Variants in PIWIL1 observed in about 807,000 individuals in gnomAD.
PIWIL1 encodes piwi-like protein 1.
Under a neutral mutation model 114.4 loss-of-function variants are expected in PIWIL1, and 73 were observed. That is an observed-to-expected ratio of 0.64 (90% CI 0.53 to 0.78). The LOEUF (loss-of-function observed/expected upper bound fraction) is 0.78. Among genes scored for constraint, PIWIL1 ranks in the 30% least tolerant of loss-of-function variants. The pLI is 0.00. For synonymous variants in PIWIL1, 375 were observed against 369.0 expected, an observed-to-expected ratio of 1.02 and a Z score of -0.19; for missense variants, 723 against 1,063.1, an observed-to-expected ratio of 0.68 and a Z score of 4.45.
chr12:130,418,178 A>T, the PIWIL1 span, among the ~76,000 whole-genome samples: 3 of 152,260 alleles, frequency 2.0e-5, no homozygotes, highest in Non-Finnish European at 4.4e-5. Flanking sequence ...TTTAAAATGC[A>T]ATGAATTGTT....
chr12:130,357,819 A>T (rs1242678544), intron 14 of PIWIL1, among the ~76,000 whole-genome samples: 3 of 152,228 alleles, frequency 2.0e-5, no homozygotes, highest in Admixed American at 6.5e-5. Flanking sequence ...CAAAGGCTTT[A>T]CTTAGTCTAG....
chr12:130,354,379 TA>T lies in PIWIL1; in HGVS notation c.1045-150del, dbSNP rs199739563. Among the ~76,000 whole-genome samples, 480 of 152,184 alleles carry T rather than the reference TA, an allele frequency of 3.2e-3. 6 individuals carry two copies. In the East Asian group the frequency reaches 0.046, roughly 15 times the overall value. On this transcript the variant is annotated intron_variant, in intron 9 of 20. Transcript: ENST00000245255. ...GTCACAACCTCTGTTTTAAGAATGT[TA>T]AAAAAAATGCCTTTTTAAAACTTTA...
the PIWIL1 span, chr12:130,412,700 T>C: frequency 6.2e-7 from 1 of 1,613,762 alleles, no homozygotes; most frequent in South Asian, 1.1e-5. Flanking sequence ...TCTGCTTGTA[T>C]CTCAGAGACC....
chr12:130,373,201 A>T (rs2073841480), downstream of PIWIL1, among the ~76,000 whole-genome samples: 1 of 152,214 alleles, frequency 6.6e-6, no homozygotes, highest in South Asian at 2.1e-4. Flanking sequence ...GAGGCCAGAG[A>T]CAAACATTTC....
chr12:130,414,043 T>C, the PIWIL1 span: 2 of 1,423,566 alleles, frequency 1.4e-6, no homozygotes, highest in East Asian at 2.3e-5. Flanking sequence ...TCTAAGTCGA[T>C]ACCCTGTTGC....
At chr12:130,406,142 A>T in the PIWIL1 span, 1 of 1,284,670 alleles carries the variant, frequency 7.8e-7, no homozygotes, top group Non-Finnish European at 1.1e-6. Flanking sequence ...CAAAAATCAA[A>T]TGGTACTTCT....
chr12:130,393,654 G>T, the PIWIL1 span, among the ~76,000 whole-genome samples: 2 of 150,752 alleles, frequency 1.3e-5, no homozygotes, highest in Admixed American at 1.3e-4. Context: ...ACCGGTATTG[G>T]ATTTTTTTGT....
downstream of PIWIL1, among the ~76,000 whole-genome samples, chr12:130,374,085 AGTCT>A (rs1419568040): frequency 6.6e-6 from 1 of 152,136 alleles, no homozygotes. Context: ...GCCTGTAGGA[AGTCT>A]GTCCACTCTT....
the PIWIL1 span, among the ~76,000 whole-genome samples, chr12:130,422,221 G>GA: frequency 2.6e-5 from 4 of 152,146 alleles, no homozygotes; most frequent in Non-Finnish European, 5.9e-5. This position sits in a 1 kb window ranked among gnomAD's most constrained non-coding sequence, Gnocchi z 5.2. Context: ...AGCTCTCCAG[G>GA]AAAAAATCAG....
the PIWIL1 span, among the ~76,000 whole-genome samples, chr12:130,395,478 C>T: frequency 6.6e-6 from 1 of 152,098 alleles, no homozygotes; most frequent in South Asian, 2.1e-4. Flanking sequence ...AAGACCAGCT[C>T]ATTATTACTT....
At chr12:130,341,993 C>A (rs74920894) in intron 1 of PIWIL1, among the ~76,000 whole-genome samples, 5,668 of 152,208 alleles carry the variant, frequency 0.037, 344 homozygotes, top group African/African-American at 0.13. Context: ...ATGCCACTCA[C>A]CAAGAATGAA....
intron 1 of PIWIL1, 72 bp from the exon 2 acceptor site, chr12:130,342,508 A>C: frequency 1.1e-6 from 1 of 876,270 alleles, no homozygotes; most frequent in South Asian, 1.4e-5. Context: ...AGAAGTTTAA[A>C]GTAACATTGT....
At chr12:130,343,306 T>G (rs1409390547) in intron 3 of PIWIL1, among the ~76,000 whole-genome samples, 1 of 152,200 alleles carries the variant, frequency 6.6e-6, no homozygotes, top group Non-Finnish European at 1.5e-5. Context: ...CATTAATAAA[T>G]GACTTAAAAA....
chr12:130,386,044 A>C, the PIWIL1 span, among the ~76,000 whole-genome samples: 1 of 152,154 alleles, frequency 6.6e-6, no homozygotes, highest in Non-Finnish European at 1.5e-5. Flanking sequence ...GGTCTGTCCA[A>C]AGACCTAACC....
chr12:130,402,790 T>G, the PIWIL1 span, among the ~76,000 whole-genome samples: 1 of 152,222 alleles, frequency 6.6e-6, no homozygotes, highest in African/African-American at 2.4e-5. Context: ...GTTTGCACAC[T>G]CCTCTGGATT....
the PIWIL1 span, chr12:130,412,872 G>T: frequency 8.1e-7 from 1 of 1,232,880 alleles, no homozygotes; most frequent in Non-Finnish European, 1.1e-6. Context: ...AGTGAGTGTA[G>T]TCGAAAATAT....
chr12:130,340,133 G>A (rs1401476869), intron 1 of PIWIL1, among the ~76,000 whole-genome samples: 3 of 152,124 alleles, frequency 2.0e-5, no homozygotes, highest in African/African-American at 7.2e-5. Flanking sequence ...AGGGAGCAAG[G>A]GATGGCCTGC....
the PIWIL1 span, among the ~76,000 whole-genome samples, chr12:130,378,459 A>G: frequency 1.3e-5 from 2 of 152,184 alleles, no homozygotes; most frequent in Non-Finnish European, 2.9e-5. Context: ...GTGGGGATGT[A>G]TGTTTTCATT....
downstream of PIWIL1, among the ~76,000 whole-genome samples, chr12:130,376,961 C>T (rs186098534): frequency 7.2e-5 from 11 of 152,294 alleles, no homozygotes; most frequent in East Asian, 1.4e-3. Flanking sequence ...CTGCTGTGCT[C>T]GGAGCCCAAG....
Sources: gnomAD v4.1 joint callset for allele counts (sites outside exome capture counted in the v4.1 genomes callset) on GRCh38, gnomAD v4.1.1 for gene constraint, Gnocchi (gnomAD v3.1) non-coding constraint, MANE v1.5 for transcripts, NCBI Gene and HGNC (gene_info 2026-07-23, HGNC 2026-07-21) for gene names.